The following CNBD1 variants were observed in gnomAD, a reference collection of about 807,000 sequenced individuals.
CNBD1 encodes cyclic nucleotide-binding domain-containing protein 1.
CNBD1 carries 71 observed loss-of-function variants against 54.4 expected under a neutral mutation model. The observed-to-expected ratio is 1.30, with a 90% CI of 1.08 to 1.59. The LOEUF (loss-of-function observed/expected upper bound fraction) is 1.59, where lower values mean the gene tolerates loss of function less well. Among genes scored for constraint, CNBD1 ranks in the 40% most tolerant of loss-of-function variants. CNBD1 has a pLI of 0.00. For missense variants in CNBD1, 659 were observed against 518.0 expected (o/e 1.27, Z -2.64); for synonymous variants, 182 against 170.7 (o/e 1.07, Z -0.51).
chr8:87,283,828 T>G lies in CNBD1; in HGVS notation c.772-850T>G, dbSNP rs529028652. On this transcript the variant is annotated intron_variant, in intron 6 of 10. Coordinates refer to ENST00000518476, the MANE Select transcript of CNBD1 (RefSeq NM_173538.3). ...CTACATGTACAACAAGCCTCAGAAC[T>G]CAGTTCTTCAGGACCTTATTTGGGT... Among the ~76,000 whole-genome samples, 13 of 152,240 alleles carry G rather than the reference T, an allele frequency of 8.5e-5. 1 individual carries two copies. The highest frequency in any genetic ancestry group is 2.9e-4 in the African/African-American group (12 of 41,576).
At chr8:86,947,737 C>T (rs903090124) in intron 4 of CNBD1, among the ~76,000 whole-genome samples, 1 of 151,984 alleles carries the variant, frequency 6.6e-6, no homozygotes, top group Admixed American at 6.6e-5. Context: ...TGTTCGTGCC[C>T]TCAGGCATTT....
At chr8:87,285,692 GAA>G (rs991310346) in intron 7 of CNBD1, among the ~76,000 whole-genome samples, 4 of 152,124 alleles carry the variant, frequency 2.6e-5, no homozygotes, top group African/African-American at 9.7e-5. Context: ...CCAACATGGA[GAA>G]ACCCTGTCTC....
At chr8:87,121,024 A>G (rs555959415) in intron 4 of CNBD1, among the ~76,000 whole-genome samples, 4 of 151,926 alleles carry the variant, frequency 2.6e-5, no homozygotes, top group Admixed American at 2.6e-4. Flanking sequence ...CTATCTGGGC[A>G]TGTACTTTCA....
At chr8:87,398,488 C>G (rs998379151) in intron 2 of CNBD1, among the ~76,000 whole-genome samples, 2 of 151,908 alleles carry the variant, frequency 1.3e-5, no homozygotes, top group Admixed American at 6.6e-5. Flanking sequence ...ATATGTTTAA[C>G]CTGCATAAAA....
At chr8:87,055,341 C>T (rs1485683668) in intron 4 of CNBD1, among the ~76,000 whole-genome samples, 3 of 152,196 alleles carry the variant, frequency 2.0e-5, no homozygotes, top group African/African-American at 7.2e-5. Flanking sequence ...GTCTGTACAA[C>T]TCCCCCTATC....
At chr8:87,027,855 A>G (rs1809684458) in intron 4 of CNBD1, among the ~76,000 whole-genome samples, 1 of 152,230 alleles carries the variant, frequency 6.6e-6, no homozygotes, top group African/African-American at 2.4e-5. Flanking sequence ...TCAAAACACA[A>G]TCCAACTGCT....
At chr8:87,342,595 C>G (rs1341899900) in intron 8 of CNBD1, among the ~76,000 whole-genome samples, 1 of 152,032 alleles carries the variant, frequency 6.6e-6, no homozygotes, top group East Asian at 1.9e-4. Flanking sequence ...GTCAGCCAGT[C>G]TGAGAAATAA....
intron 4 of CNBD1, among the ~76,000 whole-genome samples, chr8:87,025,931 A>G (rs990433667): frequency 7.2e-5 from 11 of 152,210 alleles, no homozygotes; most frequent in Non-Finnish European, 1.5e-4. Flanking sequence ...GGAAAGGGAA[A>G]TAGTTCAACT....
chr8:86,867,086 C>T (rs1361079029), intron 1 of CNBD1, among the ~76,000 whole-genome samples: 2 of 151,758 alleles, frequency 1.3e-5, no homozygotes, highest in African/African-American at 4.9e-5. Context: ...ATTTTCTAGT[C>T]TTACTTATAA....
At chr8:87,065,177 A>G (rs1277220368) in intron 4 of CNBD1, among the ~76,000 whole-genome samples, 3 of 151,906 alleles carry the variant, frequency 2.0e-5, no homozygotes, top group Non-Finnish European at 4.4e-5. Context: ...TTTGTCTTTT[A>G]TATCCTTGAA....
chr8:87,408,416 C>G (rs952949660), intron 2 of CNBD1, among the ~76,000 whole-genome samples: 3 of 151,574 alleles, frequency 2.0e-5, no homozygotes, highest in Non-Finnish European at 4.4e-5. Context: ...TGTGTATAGA[C>G]AGATAATATT....
At chr8:87,259,362 A>T (rs909889489) in intron 6 of CNBD1, among the ~76,000 whole-genome samples, 17 of 152,328 alleles carry the variant, frequency 1.1e-4, no homozygotes, top group Admixed American at 9.2e-4. Flanking sequence ...TCTCCAAAAT[A>T]AATTGAACAA....
At chr8:87,354,833 TC>T (rs1238332820) in intron 10 of CNBD1, among the ~76,000 whole-genome samples, 1 of 152,076 alleles carries the variant, frequency 6.6e-6, no homozygotes, top group Non-Finnish European at 1.5e-5. Context: ...TGGTTCCAAG[TC>T]TTTGCTATTG....
rs967433696 is a variant in CNBD1 at position 87,039,214 on chromosome 8, A to G, written c.431+99460A>G. Among the ~76,000 whole-genome samples, 16 of 152,150 alleles carry G rather than the reference A, an allele frequency of 1.1e-4. 1 individual carries two copies. Among genetic ancestry groups the G allele is most frequent in the Admixed American group, 2.0e-4 (3 of 15,284 alleles). On this transcript the variant is annotated intron_variant, in intron 4 of 10. Coordinates refer to ENST00000518476, the MANE Select transcript of CNBD1 (RefSeq NM_173538.3). The stretch of plus-strand genomic sequence containing the variant: ...AACACATTTCTTCAACCTATGTTTA[A>G]TTGGAGGTTGATTATACATTAAATA...
chr8:87,428,635 TAATA>T, intron 3 of CNBD1: 1 of 450,444 alleles, frequency 2.2e-6, no homozygotes, highest in South Asian at 1.6e-5. Context: ...GTTCAAGTTA[TAATA>T]AATGTCACTC....
At chr8:87,217,559 T>G (rs1814238491) in intron 5 of CNBD1, among the ~76,000 whole-genome samples, 1 of 134,702 alleles carries the variant, frequency 7.4e-6, no homozygotes, top group African/African-American at 2.6e-5. Context: ...TTAAGGTAGA[T>G]ATTTTTTATT....
intron 4 of CNBD1, among the ~76,000 whole-genome samples, chr8:87,132,648 G>A (rs1316542958): frequency 2.7e-5 from 4 of 146,920 alleles, no homozygotes; most frequent in Admixed American, 6.8e-5. Flanking sequence ...TATGATATAT[G>A]TAAGATATAT....
At chr8:86,874,897 T>C (rs1482441340) in intron 1 of CNBD1, among the ~76,000 whole-genome samples, 2 of 150,896 alleles carry the variant, frequency 1.3e-5, no homozygotes, top group African/African-American at 2.4e-5. Flanking sequence ...CTGTGCATCA[T>C]TGATCTTAGG....
In CNBD1 at chr8:87,289,879, T is replaced by A. The variant is rs531019600; in HGVS notation, c.1042+3208T>A. Among the ~76,000 whole-genome samples the A allele has an allele frequency of 2.0e-5, 3 of 152,266 alleles. No individual in the cohort carries two copies. In the South Asian group the frequency reaches 6.2e-4, roughly 32 times the overall value. On this transcript the variant is annotated intron_variant, in intron 8 of 10. Transcript: ENST00000518476. ...CACTCTTGAGCATCCCAGAACCGGT[T>A]TGATACCTCGAGGTGCCAGTGATTC...
Sources: gnomAD v4.1 joint callset for allele counts (sites outside exome capture counted in the v4.1 genomes callset) on GRCh38, gnomAD v4.1.1 for gene constraint, MANE v1.5 for transcripts, NCBI Gene and HGNC (gene_info 2026-07-23, HGNC 2026-07-21) for gene names.